The following TACC2 variants were observed in gnomAD, a reference collection of about 807,000 sequenced individuals.
TACC2 encodes the protein transforming acidic coiled-coil containing protein 2, also known as transforming acidic coiled-coil-containing protein 2.
In TACC2, 137 loss-of-function variants were observed where a neutral mutation model predicts 227.3. The observed-to-expected ratio is 0.60, with a 90% CI of 0.52 to 0.69. TACC2 has a LOEUF of 0.69. TACC2 is among the 30% of genes least tolerant of loss of function. TACC2 has a pLI of 0.00. For synonymous variants in TACC2, 1,523 were observed against 1,487.5 expected (o/e 1.02, Z -0.55); for missense variants, 3,470 against 3,694.4 (o/e 0.94, Z 1.57).
At chr10:122,001,312 G>A (rs978344891) in intron 1 of TACC2, among the ~76,000 whole-genome samples, 9 of 152,208 alleles carry the variant, frequency 5.9e-5, no homozygotes, top group Admixed American at 2.0e-4. Context: ...GGCAGAAGGC[G>A]AATGAGGAGC....
At chr10:122,220,489 C>G (rs74372748) in intron 11 of TACC2, among the ~76,000 whole-genome samples, 2,683 of 152,264 alleles carry the variant, frequency 0.018, 40 homozygotes, top group Admixed American at 0.048. Flanking sequence ...CTCGCTAACA[C>G]ACCCAGGGTC....
rs1401149550 is a variant in TACC2, at chr10:122,083,224, G to T, written c.724G>T (p.Gly242Trp). 1.2e-6 allele frequency: 2 copies of T among 1,613,358 alleles called. No individual in the cohort carries two copies. Among genetic ancestry groups the T allele is most frequent in the Non-Finnish European group, 1.7e-6 (2 of 1,179,982 alleles). The change falls in exon 4 of 23, where the codon GGG becomes TGG. Residue 242 changes from glycine (G) to tryptophan (W), a missense_variant. By Grantham distance (184) the Gly-to-Trp change is radical. Transcript: ENST00000369005. ...CTTTCCCCCTGCAGAGTCCAGGCAG[G>T]GGGTGGCTTCTGTGCAAGTGACCCC... ...GGFPPAESRQ[G>W]VASVQVTPEA...
Position 122,083,065 on chromosome 10 carries a change from TC to T in TACC2, c.567del (p.Phe190SerfsTer20), listed in dbSNP as rs1331262700. 20 of 1,612,630 alleles carry T rather than the reference TC, an allele frequency of 1.2e-5. No homozygotes were observed. In the Admixed American group the frequency reaches 3.0e-4, roughly 24 times the overall value. ...PKEEGQKSSF[S>X]FSSGIDQSPG... ...GGAAGAAGGACAGAAGTCCTCCTTC[TC>T]CTTCTCCAGTGGCATCGACCAGTCA... On this transcript the variant is annotated frameshift_variant, in exon 4 of 23. Transcript: ENST00000369005. LOFTEE classifies it high-confidence loss of function.
intron 3 of TACC2, among the ~76,000 whole-genome samples, chr10:122,060,999 TCA>T (rs1565185166): frequency 1.6e-4 from 1 of 6,144 alleles, no homozygotes; most frequent in African/African-American, 2.5e-4. Context: ...AGACTCCATC[TCA>T]AAAAAAAAAA....
chr10:122,098,499 T>C (rs2081742960), intron 5 of TACC2, among the ~76,000 whole-genome samples: 1 of 152,138 alleles, frequency 6.6e-6, no homozygotes. Context: ...AACTCACGGC[T>C]CTGCTATTAG....
chr10:122,095,895 G>T (rs1165946482), intron 5 of TACC2, among the ~76,000 whole-genome samples: 1 of 152,182 alleles, frequency 6.6e-6, no homozygotes, highest in Non-Finnish European at 1.5e-5. Context: ...TCAACTAATT[G>T]AAATTTATAG....
In TACC2 at chr10:122,210,981, G is replaced by A. The variant is rs914335011; in HGVS notation, c.6556G>A (p.Ala2186Thr). Reference sequence around the variant, plus strand: ...TGCCAAGACGGAAGGTCCTAGCCCAGCCTTATTGGAGGAGACGCCCCTTGA... The same window carrying A: ...TGCCAAGACGGAAGGTCCTAGCCCAACCTTATTGGAGGAGACGCCCCTTGA... ...ESAKTEGPSP[A>T]LLEETPLEPA... Residue 2186 changes from alanine to threonine, a missense_variant, in exon 9 of 23, where the codon GCC (alanine) becomes ACC (threonine). Coordinates refer to ENST00000369005, the MANE Select transcript of TACC2 (RefSeq NM_206862.4). This position sits in a 1 kb window ranked among gnomAD's most constrained non-coding sequence, Gnocchi z 4.6. The A allele has an allele frequency of 3.1e-6, 5 of 1,613,310 alleles. No homozygotes were observed. The highest frequency in any genetic ancestry group is 4.2e-6 in the Non-Finnish European group (5 of 1,179,794).
intron 11 of TACC2, among the ~76,000 whole-genome samples, chr10:122,219,031 A>AAAAG (rs141114153): frequency 1.4e-5 from 1 of 72,826 alleles, no homozygotes; most frequent in Non-Finnish European, 3.1e-5. Context: ...AAAAAAAAAA[A>AAAAG]AAAAGAAAAG....
intron 2 of TACC2, among the ~76,000 whole-genome samples, chr10:122,037,291 T>A (rs1432053111): frequency 1.3e-5 from 2 of 152,168 alleles, no homozygotes. Context: ...GTTTTGTAGG[T>A]CCCAACCAGC....
chr10:122,069,525 A>G (rs2077791229), intron 3 of TACC2, among the ~76,000 whole-genome samples: 1 of 152,160 alleles, frequency 6.6e-6, no homozygotes, highest in Non-Finnish European at 1.5e-5. Context: ...TACAGGTGTG[A>G]GCCACTGCGC....
Position 122,087,445 on chromosome 10 carries a change from G to T in TACC2, c.4945G>T (p.Glu1649Ter), listed in dbSNP as rs765089820. 2.8e-5 allele frequency: 45 copies of T among 1,613,948 alleles called. No homozygotes were observed. The highest frequency in any genetic ancestry group is 3.4e-5 in the Non-Finnish European group (40 of 1,180,050). ...TTTGACTGTGCCTGAGGCCAACAGT[G>T]AGCCCTGGACCCTTGACACGCTTGG... ...EVLTVPEANS[E>*]PWTLDTLGGE... Residue 1649 changes from glutamate (E) to a stop codon, truncating the protein, a stop_gained, in exon 4 of 23, where the codon GAG becomes TAG. Transcript: ENST00000369005. LOFTEE classifies it high-confidence loss of function.
At chr10:122,142,758 A>C (rs912601407) in intron 6 of TACC2, among the ~76,000 whole-genome samples, 1 of 152,202 alleles carries the variant, frequency 6.6e-6, no homozygotes, top group Non-Finnish European at 1.5e-5. Context: ...AGACACCTTC[A>C]GCCTGGCCAG....
At chr10:122,165,855 G>C (rs992355913) in intron 7 of TACC2, among the ~76,000 whole-genome samples, 6 of 152,206 alleles carry the variant, frequency 3.9e-5, no homozygotes, top group Admixed American at 2.6e-4. Context: ...GCTAGCATCT[G>C]TCCTCTTCAA....
rs1259430382 is a variant in TACC2, at chr10:122,194,203, CA to C, written c.5835-836del. On this transcript the variant is annotated intron_variant, in intron 7 of 22. Transcript: ENST00000369005. This position sits in a 1 kb window ranked among gnomAD's most constrained non-coding sequence, Gnocchi z 4.4. ...TCTCCCAAAGCGCTGGGATTAGAGG[CA>C]TGAGCCACCGCACCTGGCCTGTTGG... is the stretch of plus-strand genomic sequence containing the variant. Among the ~76,000 whole-genome samples the C allele has an allele frequency of 1.3e-5, 2 of 152,240 alleles. No individual in the cohort carries two copies. The highest frequency in any genetic ancestry group is 2.9e-5 in the Non-Finnish European group (2 of 68,036).
chr10:122,021,180 G>A (rs909150562), intron 1 of TACC2, among the ~76,000 whole-genome samples: 3 of 149,716 alleles, frequency 2.0e-5, no homozygotes, highest in Non-Finnish European at 4.4e-5. Flanking sequence ...AGTGAGTCGA[G>A]ATCGTGCCAC....
Position 122,210,689 on chromosome 10 carries a change from C to T in TACC2, c.6264C>T (p.Ser2088=), listed in dbSNP as rs372635027. ...AGTCTACACTGTCCCGGTCGCTCAG[C>T]CTGCAAGCCAGTGACTTTGATGGTG... ...ISKSTLSRSL[S]LQASDFDGAS... is the part of the protein sequence containing the mutation. The change falls in exon 9 of 23, where the codon AGC becomes AGT. Residue 2088 remains serine, a synonymous_variant. Coordinates refer to ENST00000369005, the MANE Select transcript of TACC2 (RefSeq NM_206862.4). This position sits in a 1 kb window ranked among gnomAD's most constrained non-coding sequence, Gnocchi z 4.6. 17 of 1,614,012 alleles carry T rather than the reference C, an allele frequency of 1.1e-5. No homozygotes were observed. The highest frequency in any genetic ancestry group is 1.4e-5 in the Non-Finnish European group (17 of 1,180,044).
At chr10:122,112,891 G>C (rs1293270821) in intron 5 of TACC2, 1 of 152,036 alleles carries the variant, frequency 6.6e-6, no homozygotes, top group Non-Finnish European at 1.5e-5. Context: ...GCGCATTCCT[G>C]GCCGGGGAGG....
At chr10:122,124,021 C>T (rs1391153217) in intron 5 of TACC2, among the ~76,000 whole-genome samples, 1 of 151,972 alleles carries the variant, frequency 6.6e-6, no homozygotes, top group Non-Finnish European at 1.5e-5. Flanking sequence ...ACCATGTTGG[C>T]CAGGCTGGTC....
chr10:122,188,070 G>A (rs1404456775), intron 7 of TACC2, among the ~76,000 whole-genome samples: 2 of 151,888 alleles, frequency 1.3e-5, no homozygotes, highest in Admixed American at 6.6e-5. Flanking sequence ...AGTCTCAGCA[G>A]GTTGCTCCTT....
Sources: allele counts gnomAD v4.1 joint callset (sites outside exome capture counted in the v4.1 genomes callset), GRCh38; gene constraint gnomAD v4.1.1; non-coding constraint Gnocchi (gnomAD v3.1); transcripts MANE v1.5; gene names NCBI Gene and HGNC (gene_info 2026-07-23, HGNC 2026-07-21).